DGCR8: variants seen among roughly 807,000 people sequenced by gnomAD.
DGCR8 encodes the protein microprocessor complex subunit DGCR8.
A neutral mutation model predicts 78.5 loss-of-function variants in DGCR8; 14 were observed. That is an observed-to-expected ratio of 0.18 (90% CI 0.12 to 0.28). The LOEUF (loss-of-function observed/expected upper bound fraction) is 0.28, where lower values mean the gene tolerates loss of function less well. Among genes scored for constraint, DGCR8 ranks in the 10% least tolerant of loss-of-function variants. DGCR8 has a pLI of 1.00. For missense variants in DGCR8, 702 were observed against 1,022.5 expected, an observed-to-expected ratio of 0.69 and a Z score of 4.28; for synonymous variants, 399 against 402.4, an observed-to-expected ratio of 0.99 and a Z score of 0.10.
intron 11 of DGCR8, 73 bp from the exon 12 acceptor site, chr22:20,107,198 G>C (rs1602497522): frequency 1.3e-6 from 2 of 1,586,642 alleles, no homozygotes; most frequent in African/African-American, 2.7e-5. Flanking sequence ...CAGGAGGGCT[G>C]GGAGCGGCAG....
At chr22:20,102,135 G>A (rs1439012315) in intron 9 of DGCR8, 6 of 922,132 alleles carry the variant, frequency 6.5e-6, no homozygotes, top group Non-Finnish European at 7.8e-6. Context: ...TCACTTTTTG[G>A]TACAGTACTG....
At chr22:20,084,948 A>G (rs776145501) in intron 1 of DGCR8, 41 of 984,636 alleles carry the variant, frequency 4.2e-5, no homozygotes, top group Non-Finnish European at 4.1e-5. Context: ...TATTGTCCCC[A>G]GGGCGGAACG....
chr22:20,096,687 A>G (rs565174933), intron 9 of DGCR8: 9 of 160,448 alleles, frequency 5.6e-5, no homozygotes, highest in Non-Finnish European at 9.3e-5. Context: ...GTTCTCTCCA[A>G]CCACCAAAAG....
At position 20,086,885 on chromosome 22, in the gene DGCR8, G is replaced by C; in HGVS notation, c.720+202G>C. The C allele has an allele frequency of 1.2e-6, 1 of 802,542 alleles. No individual in the cohort carries two copies. The highest frequency in any genetic ancestry group is 1.9e-6 in the Non-Finnish European group (1 of 527,930). 49.7% of individuals were successfully genotyped at this position (802,542 alleles called of 1,614,324 possible). On this transcript the variant is annotated intron_variant, in intron 2 of 13. Transcript: ENST00000351989. This position sits in a 1 kb window ranked among gnomAD's most constrained non-coding sequence, Gnocchi z 6.4. Reference sequence around the variant, plus strand: ...TTAAAGTTTCCTAATGAAAAGTTTGGCCCATGGGTAGGCCCTGCATCCCTG... The same window carrying C: ...TTAAAGTTTCCTAATGAAAAGTTTGCCCCATGGGTAGGCCCTGCATCCCTG...
chr22:20,081,437 C>T lies in DGCR8; in HGVS notation c.-278+1054C>T, dbSNP rs117209439. Among the ~76,000 whole-genome samples the T allele has an allele frequency of 3.7e-3, 570 of 152,320 alleles. 5 individuals carry two copies. Among genetic ancestry groups the T allele is most frequent in the Non-Finnish European group, 6.1e-3 (412 of 68,032 alleles). On this transcript the variant is annotated intron_variant, in intron 1 of 13. Transcript: ENST00000351989. ...CTGTTGGCAAGGCAGGGTTTGCATG[C>T]GGTGTTTGGTCAGCTGGAGCAGTGG...
intron 9 of DGCR8, chr22:20,101,458 G>A: frequency 1.4e-6 from 1 of 698,980 alleles, no homozygotes; most frequent in Non-Finnish European, 1.8e-6. Flanking sequence ...GGCGCCTGCA[G>A]TCCCAGCTAC....
chr22:20,107,104 C>A, intron 11 of DGCR8, 167 bp from the exon 12 acceptor site: 1 of 704,244 alleles, frequency 1.4e-6, no homozygotes, highest in Non-Finnish European at 2.5e-6. Context: ...CAGCTGGGTA[C>A]TGTGAGACTC....
intron 13 of DGCR8, chr22:20,109,206 TAGAG>T: frequency 2.2e-6 from 1 of 449,868 alleles, no homozygotes; most frequent in Non-Finnish European, 4.2e-6. Context: ...GTTCTGTTGT[TAGAG>T]AGCTGGCAGG....
intron 11 of DGCR8, 23 bp downstream of exon 11, chr22:20,106,721 C>T (rs200866835): frequency 4.4e-4 from 680 of 1,560,970 alleles, no homozygotes; most frequent in Non-Finnish European, 5.7e-4. Flanking sequence ...TCTCTGCTGC[C>T]TGGTGGCCGC....
chr22:20,090,977 T>A (rs2049551027), intron 5 of DGCR8, among the ~76,000 whole-genome samples: 1 of 151,872 alleles, frequency 6.6e-6, no homozygotes, highest in South Asian at 2.1e-4. Flanking sequence ...CGGGAGGAAA[T>A]GTGACAAATG....
intron 10 of DGCR8, 98 bp from the exon 11 acceptor site, chr22:20,106,494 C>A: frequency 1.1e-6 from 1 of 948,130 alleles, no homozygotes; most frequent in South Asian, 1.4e-5. Context: ...TGGGGAGAGG[C>A]TTGGTCATTT....
chr22:20,108,440 G>A (rs1195815578), intron 12 of DGCR8: 1 of 154,956 alleles, frequency 6.5e-6, no homozygotes, highest in Non-Finnish European at 1.4e-5. Flanking sequence ...GCCTAAGACG[G>A]GAAGGGGCTG....
chr22:20,086,466 T>C lies in DGCR8; in HGVS notation c.503T>C (p.Val168Ala), dbSNP rs1264915847. ...DVHACPFGGS[V>A]GDGVGIGGES... is the part of the protein sequence containing the mutation. Reference sequence around the variant, plus strand: ...CATGCTTGTCCCTTTGGCGGGAGTGTTGGTGACGGGGTAGGCATAGGGGGT... The same window carrying C: ...CATGCTTGTCCCTTTGGCGGGAGTGCTGGTGACGGGGTAGGCATAGGGGGT... Residue 168 changes from valine (V) to alanine (A), a missense_variant, in exon 2 of 14, where the codon GTT becomes GCT. Val to Ala is a moderately conservative substitution (Grantham distance 64). This residue lies in a region of DGCR8 where 356 missense variants were observed against 448.9 expected (regional missense o/e 0.79). Transcript: ENST00000351989. The surrounding 1 kb of genome is among the most constrained non-coding windows in gnomAD (Gnocchi z 6.4). 17 of 1,613,670 alleles carry C rather than the reference T, an allele frequency of 1.1e-5. No homozygotes were observed. Among genetic ancestry groups the C allele is most frequent in the Non-Finnish European group, 1.4e-5 (17 of 1,179,970 alleles).
Position 20,089,954 on chromosome 22 carries a change from A to G in DGCR8, c.1024-22A>G. Reference sequence around the variant, plus strand: ...CTCTCGGGTTGTCCTTGTAATCCATATTGCAATTTCACTATCCACAGAAAC... The same window carrying G: ...CTCTCGGGTTGTCCTTGTAATCCATGTTGCAATTTCACTATCCACAGAAAC... On this transcript the variant is annotated intron_variant, in intron 4 of 13. Transcript: ENST00000351989. The surrounding 1 kb of genome is among the most constrained non-coding windows in gnomAD (Gnocchi z 4.9). 1 of 1,596,390 alleles carries G rather than the reference A, an allele frequency of 6.3e-7. No individual in the cohort carries two copies. The highest frequency in any genetic ancestry group is 8.5e-7 in the Non-Finnish European group (1 of 1,169,940).
rs78499067 is a variant in DGCR8, at chr22:20,105,156, G to C, written c.1789-1021G>C. On this transcript the variant is annotated intron_variant, in intron 9 of 13. Coordinates refer to ENST00000351989, the MANE Select transcript of DGCR8 (RefSeq NM_022720.7). Reference sequence around the variant, plus strand: ...TCACACTGAAGCAGAGCAGTGGTGTGATCCAGTGTGTCTGGTGTTTCTCTA... The same window carrying C: ...TCACACTGAAGCAGAGCAGTGGTGTCATCCAGTGTGTCTGGTGTTTCTCTA... Among the ~76,000 whole-genome samples the C allele has an allele frequency of 5.9e-3, 895 of 152,342 alleles. 10 individuals are homozygous for C. Among genetic ancestry groups the C allele is most frequent in the African/African-American group, 0.019 (802 of 41,582 alleles).
chr22:20,092,900 T>C lies in DGCR8; in HGVS notation c.1698T>C (p.Asn566=), dbSNP rs2049582697. The C allele has an allele frequency of 1.2e-6, 2 of 1,612,996 alleles. No individual in the cohort carries two copies. Among genetic ancestry groups the C allele is most frequent in the Non-Finnish European group, 1.7e-6 (2 of 1,179,306 alleles). ...CAAGCAGCAAAAAACTTGCGAAGAA[T>C]AAAGCTGGTAACGTGCTTGCTTGGG... ...GTASSKKLAK[N]KAARATLEIL... is the part of the protein sequence containing the mutation. The change falls in exon 8 of 14, where the codon AAT becomes AAC. Residue 566 remains asparagine (N), a synonymous_variant. Coordinates refer to ENST00000351989, the MANE Select transcript of DGCR8 (RefSeq NM_022720.7).
intron 1 of DGCR8, among the ~76,000 whole-genome samples, chr22:20,081,183 G>C (rs1336577402): frequency 1.3e-5 from 2 of 152,226 alleles, no homozygotes; most frequent in African/African-American, 4.8e-5. Context: ...AAAAGGAACG[G>C]ATGAGGTCAT....
chr22:20,102,538 G>A (rs943450491), intron 9 of DGCR8, among the ~76,000 whole-genome samples: 15 of 152,186 alleles, frequency 9.9e-5, no homozygotes, highest in Admixed American at 6.5e-4. Flanking sequence ...GGGCGGATTC[G>A]TTTCCTTCAG....
At chr22:20,101,819 C>T (rs2049705752) in intron 9 of DGCR8, 8 of 985,322 alleles carry the variant, frequency 8.1e-6, no homozygotes, top group Non-Finnish European at 8.4e-6. Flanking sequence ...TTGGACTGTC[C>T]CCTGGACAGC....
Sources: allele counts gnomAD v4.1 joint callset (sites outside exome capture counted in the v4.1 genomes callset), GRCh38; gene constraint gnomAD v4.1.1; regional missense constraint gnomAD v4.1.1; non-coding constraint Gnocchi (gnomAD v3.1); transcripts MANE v1.5; gene names NCBI Gene and HGNC (gene_info 2026-07-23, HGNC 2026-07-21).